BEND2: variants seen among roughly 807,000 people sequenced by gnomAD.
BEND2 encodes the protein BEN domain containing 2.
A neutral mutation model predicts 43.8 loss-of-function variants in BEND2; 19 were observed. The observed-to-expected ratio is 0.43, with a 90% CI of 0.30 to 0.64. The LOEUF is 0.64. Ranked by LOEUF, BEND2 falls within the 30% of genes least tolerant of loss-of-function variation. The pLI, the probability that BEND2 is intolerant of heterozygous loss-of-function variation, is 0.11. For missense variants in BEND2, 544 were observed against 574.0 expected (o/e 0.95, Z 0.53); for synonymous variants, 226 against 210.1 (o/e 1.08, Z -0.66).
chrX:18,171,840 A>C (rs1923986883), intron 12 of BEND2, among the ~76,000 whole-genome samples: 1 of 112,000 alleles, frequency 8.9e-6, no homozygotes, highest in Non-Finnish European at 1.9e-5. Flanking sequence ...ACTTACAAGA[A>C]GGACTTTTTC....
intron 6 of BEND2, among the ~76,000 whole-genome samples, chrX:18,198,363 AC>A (rs1925028126): frequency 9.0e-6 from 1 of 110,693 alleles, no homozygotes; most frequent in Admixed American, 9.7e-5. Flanking sequence ...CAAGAAAAAA[AC>A]AAACAACCCC....
rs1273663804 is a variant in BEND2 at position 18,164,429 on chromosome X, A to C, written c.*580T>G. ...CTGAAGGCAACTACTACAGCAAACT[A>C]TTCAGAGAATTATTTTAAAAAATAA... On this transcript the variant is annotated 3_prime_UTR_variant, in exon 14 of 14. Coordinates refer to ENST00000380033, the MANE Select transcript of BEND2 (RefSeq NM_153346.5). The C allele has an allele frequency of 8.9e-6, 1 of 111,991 alleles. No individual in the cohort carries two copies. Among genetic ancestry groups the C allele is most frequent in the Non-Finnish European group, 1.9e-5 (1 of 53,251 alleles). 9.2% of individuals were successfully genotyped at this position (111,991 alleles called of 1,213,427 possible). A position where few individuals can be genotyped will look rare whatever the true frequency, so the allele number is the denominator to read the frequency against.
At chrX:18,179,013 A>G (rs921397657) in intron 9 of BEND2, among the ~76,000 whole-genome samples, 7 of 110,369 alleles carry the variant, frequency 6.3e-5, no homozygotes, top group Admixed American at 1.9e-4. Flanking sequence ...CAAAATTTTT[A>G]TGTAATTTTT....
chrX:18,178,973 C>T (rs2147396896), intron 9 of BEND2, among the ~76,000 whole-genome samples: 1 of 96,485 alleles, frequency 1.0e-5, no homozygotes, highest in South Asian at 5.1e-4. Flanking sequence ...TCCAATTTTT[C>T]CCAATCATTC....
chrX:18,186,019 A>T (rs1924558156), intron 8 of BEND2, among the ~76,000 whole-genome samples: 1 of 112,154 alleles, frequency 8.9e-6, no homozygotes, highest in South Asian at 3.7e-4. Flanking sequence ...TACCAATAAC[A>T]GATCATCTGA....
intron 9 of BEND2, among the ~76,000 whole-genome samples, chrX:18,179,919 G>A (rs1162748858): frequency 8.9e-6 from 1 of 112,413 alleles, no homozygotes; most frequent in Non-Finnish European, 1.9e-5. Context: ...GCTCATGCCT[G>A]TAATCCTAGC....
intron 8 of BEND2, among the ~76,000 whole-genome samples, chrX:18,183,568 T>C (rs1924469255): frequency 8.9e-6 from 1 of 112,173 alleles, no homozygotes; most frequent in African/African-American, 3.2e-5. Flanking sequence ...TGGGGTAGGG[T>C]ACAAAGTGGG....
chrX:18,176,933 T>C (rs1336059751), intron 10 of BEND2, among the ~76,000 whole-genome samples: 1 of 110,553 alleles, frequency 9.0e-6, no homozygotes, highest in Non-Finnish European at 1.9e-5. Context: ...GTCCTGTCCT[T>C]AGCTAAGCCT....
At position 18,193,822 on chromosome X, in the gene BEND2, T is replaced by C. The variant is rs373133637; in HGVS notation, c.1180+1474A>G. ...TACCTTGGCTACGGCCCCTTCCTGA[T>C]GAAGGTGGGTAATTCACTGTCTGAG... On this transcript the variant is annotated intron_variant, in intron 7 of 13. Transcript: ENST00000380033. Among the ~76,000 whole-genome samples the C allele has an allele frequency of 1.3e-4, 14 of 111,388 alleles. No individual in the cohort carries two copies. The East Asian group carries it at 1.7e-3, about 13-fold the overall frequency.
chrX:18,167,543 G>A (rs1450652197), intron 13 of BEND2, among the ~76,000 whole-genome samples: 3 of 111,150 alleles, frequency 2.7e-5, no homozygotes, highest in Non-Finnish European at 3.8e-5. Context: ...AGAGGTCTTA[G>A]TTGACCATAA....
chrX:18,190,766 T>TCTCACACACACA (rs1439593746), intron 8 of BEND2, among the ~76,000 whole-genome samples: 4 of 93,008 alleles, frequency 4.3e-5, no homozygotes, highest in Admixed American at 1.2e-4. Context: ...TCTCTCTCTC[T>TCTCACACACACA]CACACACACA....
intron 6 of BEND2, among the ~76,000 whole-genome samples, chrX:18,199,937 T>C (rs898830534): frequency 2.7e-5 from 3 of 111,431 alleles, no homozygotes; most frequent in Non-Finnish European, 5.7e-5. Context: ...CTGGTGGAAA[T>C]GGAAGATAAT....
chrX:18,179,863 G>A (rs1924316488), intron 9 of BEND2, among the ~76,000 whole-genome samples: 2 of 112,438 alleles, frequency 1.8e-5, no homozygotes, highest in African/African-American at 6.4e-5. Context: ...TTGGCAGGCA[G>A]TACAGTGGAC....
chrX:18,165,677 T>C (rs1447757579), intron 13 of BEND2, among the ~76,000 whole-genome samples: 1 of 112,219 alleles, frequency 8.9e-6, no homozygotes, highest in Non-Finnish European at 1.9e-5. Context: ...GATTTATCTC[T>C]GATAAAAGGA....
chrX:18,192,654 A>C (rs1371390553), intron 7 of BEND2, among the ~76,000 whole-genome samples: 1 of 112,651 alleles, frequency 8.9e-6, no homozygotes, highest in Non-Finnish European at 1.9e-5. Flanking sequence ...ATCAGTGGTC[A>C]TCGCAACTTT....
chrX:18,209,182 T>C (rs1925432167), intron 4 of BEND2, among the ~76,000 whole-genome samples: 1 of 111,855 alleles, frequency 8.9e-6, no homozygotes, highest in African/African-American at 3.2e-5. Context: ...AATATTAATA[T>C]GAATATACAT....
intron 4 of BEND2, among the ~76,000 whole-genome samples, chrX:18,208,945 G>A (rs910471499): frequency 4.5e-5 from 5 of 110,903 alleles, no homozygotes; most frequent in Non-Finnish European, 7.5e-5. Flanking sequence ...GGGCTCCTTA[G>A]AGAACAGTTT....
chrX:18,213,464 T>A (rs777803854), intron 3 of BEND2, among the ~76,000 whole-genome samples: 1 of 111,780 alleles, frequency 8.9e-6, no homozygotes, highest in South Asian at 3.8e-4. Flanking sequence ...GGGATTCAAG[T>A]TTCATCTCTT....
chrX:18,214,789 C>T (rs1232295934), intron 2 of BEND2, among the ~76,000 whole-genome samples: 10 of 74,328 alleles, frequency 1.3e-4, no homozygotes, highest in Admixed American at 2.2e-4. Context: ...CCAACCTGGG[C>T]GACAGAGAGA....
Sources: gnomAD v4.1 joint callset for allele counts (sites outside exome capture counted in the v4.1 genomes callset) on GRCh38, gnomAD v4.1.1 for gene constraint, MANE v1.5 for transcripts, NCBI Gene and HGNC (gene_info 2026-07-23, HGNC 2026-07-21) for gene names.